FRAS1: variants seen among roughly 807,000 people sequenced by gnomAD.
The protein encoded by FRAS1 is Fraser extracellular matrix complex subunit 1, also known as extracellular matrix organizing protein FRAS1.
FRAS1 carries 290 observed loss-of-function variants against 435.2 expected under a neutral mutation model. That is an observed-to-expected ratio of 0.67 (90% CI 0.61 to 0.73). The LOEUF is 0.73. FRAS1 is among the 30% of genes least tolerant of loss of function. The pLI is 0.00. For missense variants in FRAS1, 4,860 were observed against 5,001.5 expected, an observed-to-expected ratio of 0.97 and a Z score of 0.85; for synonymous variants, 1,800 against 1,851.0, an observed-to-expected ratio of 0.97 and a Z score of 0.71.
chr4:78,252,159 AT>A (rs1250465081), intron 4 of FRAS1, among the ~76,000 whole-genome samples: 1 of 152,012 alleles, frequency 6.6e-6, no homozygotes, highest in Non-Finnish European at 1.5e-5. Flanking sequence ...ATTTTCTGAA[AT>A]TTGTAAATAA....
intron 14 of FRAS1, among the ~76,000 whole-genome samples, chr4:78,290,750 T>TAAACCAC: frequency 6.7e-6 from 1 of 148,760 alleles, no homozygotes; most frequent in East Asian, 2.0e-4. Context: ...ACACCTGGCC[T>TAAACCAC]CATTTTTTTG....
chr4:78,344,586 A>AATT (rs1553947900), intron 20 of FRAS1, among the ~76,000 whole-genome samples: 3 of 141,688 alleles, frequency 2.1e-5, no homozygotes, highest in African/African-American at 7.9e-5. Flanking sequence ...CTCAAGAATG[A>AATT]TTTTTTTTTT....
At chr4:78,512,253 T>C (rs1721065601) in intron 64 of FRAS1, among the ~76,000 whole-genome samples, 2 of 152,234 alleles carry the variant, frequency 1.3e-5, no homozygotes, top group African/African-American at 4.8e-5. Flanking sequence ...TGTGTGCCTT[T>C]ATGAACAACT....
chr4:78,485,791 C>G (rs536773021), intron 58 of FRAS1, among the ~76,000 whole-genome samples: 1 of 152,188 alleles, frequency 6.6e-6, no homozygotes, highest in African/African-American at 2.4e-5. Flanking sequence ...GTCCAGTCTT[C>G]TGGTTTCATA....
At chr4:78,315,846 A>T (rs2110232751) in intron 16 of FRAS1, 112 bp downstream of exon 16, 1 of 1,166,676 alleles carries the variant, frequency 8.6e-7, no homozygotes, top group Non-Finnish European at 1.2e-6. Flanking sequence ...GGGAAAGCAT[A>T]ACTTTAAAAG....
chr4:78,171,990 A>C (rs57398213), intron 2 of FRAS1, among the ~76,000 whole-genome samples: 1,990 of 152,246 alleles, frequency 0.013, 40 homozygotes, highest in African/African-American at 0.045. Context: ...CAAGTCAAGA[A>C]TAGCTTCCTT....
chr4:78,345,457 T>C (rs1840387), intron 20 of FRAS1, among the ~76,000 whole-genome samples: 4,998 of 152,154 alleles, frequency 0.033, 239 homozygotes, highest in African/African-American at 0.11. Context: ...TTAGTGTGAG[T>C]CATATTTTGG....
intron 59 of FRAS1, among the ~76,000 whole-genome samples, chr4:78,489,963 G>GAAAAAAAAAAA (rs1553891063): frequency 4.9e-4 from 3 of 6,074 alleles, no homozygotes; most frequent in South Asian, 7.8e-3. Flanking sequence ...AAAGCTAGTG[G>GAAAAAAAAAAA]AAAACAAAAA....
chr4:78,527,638 G>A (rs1252566654), intron 70 of FRAS1, among the ~76,000 whole-genome samples: 7 of 152,166 alleles, frequency 4.6e-5, no homozygotes, highest in Admixed American at 4.6e-4. Context: ...ACTCTGCCAA[G>A]AGCAGGTTTG....
rs144512562 is a variant in FRAS1 at position 78,385,633 on chromosome 4, C to T, written c.3648+1490C>T. On this transcript the variant is annotated intron_variant, in intron 28 of 73. Transcript: ENST00000512123. ...GGGCTCAGTGGCTTATGCCTGTAAT[C>T]CCAGCAATTTGGGAGGCTGAAATGC... 4.8e-3 allele frequency among the ~76,000 whole-genome samples: 737 copies of T among 152,152 alleles called. 4 individuals carry two copies. Among genetic ancestry groups the T allele is most frequent in the African/African-American group, 0.017 (722 of 41,516 alleles).
chr4:78,513,920 A>G (rs1448926907), intron 65 of FRAS1, among the ~76,000 whole-genome samples: 1 of 152,220 alleles, frequency 6.6e-6, no homozygotes. Context: ...ATTCCCTTAG[A>G]GTGAGCATGT....
chr4:78,531,932 T>C lies in FRAS1; in HGVS notation c.10926-2517T>C, dbSNP rs138501737. On this transcript the variant is annotated intron_variant, in intron 70 of 73. Transcript: ENST00000512123. ...GATTTTAGGCCTCTCCTTTAAAATA[T>C]ATTAAAAATCCAATTATTTTCACTG... Among the ~76,000 whole-genome samples the C allele has an allele frequency of 1.0e-3, 153 of 152,338 alleles. 1 individual carries two copies. The highest frequency in any genetic ancestry group is 3.5e-3 in the African/African-American group (145 of 41,574).
intron 67 of FRAS1, 38 bp downstream of exon 67, chr4:78,519,519 G>A: frequency 6.3e-7 from 1 of 1,589,536 alleles, no homozygotes; most frequent in Non-Finnish European, 8.5e-7. Context: ...CTTTAGTTAG[G>A]GCTTCACTCA....
chr4:78,512,753 G>T (rs577754414), intron 64 of FRAS1, among the ~76,000 whole-genome samples: 1 of 152,324 alleles, frequency 6.6e-6, no homozygotes, highest in Admixed American at 6.5e-5. Flanking sequence ...AAGAGCTGAG[G>T]ATGTAGATCA....
chr4:78,403,367 A>C (rs1732976197), intron 30 of FRAS1, among the ~76,000 whole-genome samples: 1 of 152,104 alleles, frequency 6.6e-6, no homozygotes. Flanking sequence ...CTTTTAATTA[A>C]CTTCTTCCTA....
rs191984935 is a variant in FRAS1 at position 78,482,544 on chromosome 4, T to C, written c.8752+9T>C. 2.8e-5 allele frequency: 45 copies of C among 1,611,444 alleles called. 1 individual carries two copies. Among genetic ancestry groups the C allele is most frequent in the Admixed American group, 1.0e-4 (6 of 59,364 alleles). Reference sequence around the variant, plus strand: ...TGACACATTCCAAGATGGTAAGAGATTGGGGATGCCAGCTGGTAGGTCCAA... The same window carrying C: ...TGACACATTCCAAGATGGTAAGAGACTGGGGATGCCAGCTGGTAGGTCCAA... On this transcript the variant is annotated intron_variant, in intron 58 of 73. Coordinates refer to ENST00000512123, the MANE Select transcript of FRAS1 (RefSeq NM_025074.7).
At chr4:78,137,799 C>T (rs1388524098) in intron 2 of FRAS1, among the ~76,000 whole-genome samples, 2 of 152,202 alleles carry the variant, frequency 1.3e-5, no homozygotes, top group African/African-American at 4.8e-5. Flanking sequence ...CTCTGTGTCA[C>T]CTTGGACACA....
chr4:78,102,820 A>G (rs1742198171), intron 2 of FRAS1, among the ~76,000 whole-genome samples: 1 of 152,212 alleles, frequency 6.6e-6, no homozygotes, highest in South Asian at 2.1e-4. Flanking sequence ...TCTAGAGTAG[A>G]GATGAGAGGT....
At chr4:78,455,745 T>G (rs1327393888) in intron 47 of FRAS1, among the ~76,000 whole-genome samples, 2 of 151,954 alleles carry the variant, frequency 1.3e-5, no homozygotes, top group African/African-American at 4.8e-5. Flanking sequence ...CCAAAGAGAG[T>G]CCAGTCCTTG....
Sources: allele counts gnomAD v4.1 joint callset (sites outside exome capture counted in the v4.1 genomes callset), GRCh38; gene constraint gnomAD v4.1.1; transcripts MANE v1.5; gene names NCBI Gene and HGNC (gene_info 2026-07-23, HGNC 2026-07-21).